TOX: variants seen among roughly 807,000 people sequenced by gnomAD.
The protein encoded by TOX is thymocyte selection associated high mobility group box, also known as thymocyte selection-associated high mobility group box protein TOX.
TOX carries 11 observed loss-of-function variants against 53.7 expected under a neutral mutation model. The observed-to-expected ratio is 0.20, with a 90% CI of 0.13 to 0.34. The LOEUF is 0.34. Ranked by LOEUF, TOX falls within the 10% of genes least tolerant of loss-of-function variation. The pLI is 1.00. For missense variants in TOX, 570 were observed against 664.6 expected (o/e 0.86, Z 1.56); for synonymous variants, 225 against 245.3 (o/e 0.92, Z 0.77).
rs1811399820 is a variant in TOX at position 58,882,471 on chromosome 8, T to G, written c.412-30666A>C. ...GCTGTTTCTGCAATTTCATAGTAGCTCTGGTTTACTTAAGAGAACTTGACA... is the reference window on the plus strand; with the variant it reads ...GCTGTTTCTGCAATTTCATAGTAGCGCTGGTTTACTTAAGAGAACTTGACA... On this transcript the variant is annotated intron_variant, in intron 3 of 8. Coordinates refer to ENST00000361421, the MANE Select transcript of TOX (RefSeq NM_014729.3). Among the ~76,000 whole-genome samples, 3 of 152,222 alleles carry G rather than the reference T, an allele frequency of 2.0e-5. No individual in the cohort carries two copies. The South Asian group carries it at 6.2e-4, about 32-fold the overall frequency.
chr8:58,884,264 G>A (rs1324248501), intron 3 of TOX, among the ~76,000 whole-genome samples: 3 of 152,254 alleles, frequency 2.0e-5, no homozygotes, highest in South Asian at 2.1e-4. Context: ...AAGGGATGAA[G>A]CACAGCATAT....
intron 1 of TOX, among the ~76,000 whole-genome samples, chr8:59,058,811 G>A (rs764461974): frequency 1.1e-4 from 17 of 152,238 alleles, no homozygotes; most frequent in Middle Eastern, 6.8e-3. Context: ...CTAGACCAAG[G>A]AGCCTTTCTC....
chr8:58,957,362 C>T (rs1812726872), intron 2 of TOX, among the ~76,000 whole-genome samples: 3 of 152,228 alleles, frequency 2.0e-5, no homozygotes, highest in Middle Eastern at 6.8e-3. Flanking sequence ...TTATTATATA[C>T]TTGTCAGGCT....
chr8:59,084,027 C>T (rs546347845), intron 1 of TOX, among the ~76,000 whole-genome samples: 152 of 152,128 alleles, frequency 1.0e-3, no homozygotes, highest in African/African-American at 3.6e-3. Context: ...ACATATAATC[C>T]TTTTAATGCT....
At chr8:59,072,317 G>A (rs577468453) in intron 1 of TOX, among the ~76,000 whole-genome samples, 64 of 152,156 alleles carry the variant, frequency 4.2e-4, no homozygotes, top group African/African-American at 1.4e-3. Flanking sequence ...AAATCTTTCC[G>A]CAATAAAGTC....
rs1349606804 is a variant in TOX, at chr8:58,840,102, T to C, written c.694-1791A>G. On this transcript the variant is annotated intron_variant, in intron 4 of 8. Coordinates refer to ENST00000361421, the MANE Select transcript of TOX (RefSeq NM_014729.3). ...CACTGAATGGGTGGATGGAAAATAC[T>C]TTAATATTAATATGTGATACCTTAT... 2.0e-5 allele frequency among the ~76,000 whole-genome samples: 3 copies of C among 152,326 alleles called. No homozygotes were observed. The East Asian group carries it at 5.8e-4, about 29-fold the overall frequency.
chr8:59,087,580 GC>G (rs1197975833), intron 1 of TOX, among the ~76,000 whole-genome samples: 5 of 152,108 alleles, frequency 3.3e-5, no homozygotes, highest in Non-Finnish European at 7.4e-5. Flanking sequence ...GACAGATGAA[GC>G]ATTGTTGAAA....
At chr8:58,936,220 T>G (rs1282843619) in intron 3 of TOX, among the ~76,000 whole-genome samples, 1 of 152,236 alleles carries the variant, frequency 6.6e-6, no homozygotes, top group East Asian at 1.9e-4. Context: ...ATCTGATTTT[T>G]GAACACTCTC....
At chr8:58,911,406 C>T (rs747190576) in intron 3 of TOX, among the ~76,000 whole-genome samples, 1 of 152,250 alleles carries the variant, frequency 6.6e-6, no homozygotes, top group South Asian at 2.1e-4. Context: ...CAATTCCATA[C>T]TATTTCTTAT....
chr8:58,871,150 C>A (rs1811189530), intron 3 of TOX, among the ~76,000 whole-genome samples: 1 of 141,136 alleles, frequency 7.1e-6, no homozygotes. Context: ...AAAATGCATA[C>A]TGCTGATTGA....
intron 1 of TOX, among the ~76,000 whole-genome samples, chr8:59,091,681 G>T (rs1804609480): frequency 6.6e-6 from 1 of 152,004 alleles, no homozygotes; most frequent in Admixed American, 6.6e-5. Context: ...ATCCATGTTT[G>T]GTATGGTGGT....
intron 3 of TOX, among the ~76,000 whole-genome samples, chr8:58,856,216 C>T (rs1344594468): frequency 6.6e-6 from 1 of 152,156 alleles, no homozygotes; most frequent in Non-Finnish European, 1.5e-5. Flanking sequence ...ATCTATAAGG[C>T]TCCAAGAACC....
intron 4 of TOX, among the ~76,000 whole-genome samples, chr8:58,838,830 C>T (rs773127318): frequency 2.0e-5 from 3 of 151,256 alleles, no homozygotes; most frequent in Non-Finnish European, 4.4e-5. Flanking sequence ...GCCTCCCCGA[C>T]AGCTGGGACT....
At chr8:59,054,802 CAGAG>C (rs948757015) in intron 1 of TOX, among the ~76,000 whole-genome samples, 1 of 98,190 alleles carries the variant, frequency 1.0e-5, no homozygotes, top group African/African-American at 4.0e-5. Flanking sequence ...GAGAAAAAGA[CAGAG>C]AGAGAAGGAA....
At chr8:58,939,210 TA>T in intron 3 of TOX, 91 bp downstream of exon 3, 1 of 1,480,804 alleles carries the variant, frequency 6.8e-7, no homozygotes, top group Non-Finnish European at 9.2e-7. Context: ...TTCAGAATGC[TA>T]TTATCACAAT....
At chr8:58,967,858 C>T (rs1812932524) in intron 1 of TOX, among the ~76,000 whole-genome samples, 1 of 152,218 alleles carries the variant, frequency 6.6e-6, no homozygotes, top group Non-Finnish European at 1.5e-5. Context: ...ACTGCAGGCT[C>T]TGCTTTCTGG....
In TOX at chr8:58,858,254, G is replaced by A. The variant is rs559994039; in HGVS notation, c.412-6449C>T. Among the ~76,000 whole-genome samples the A allele has an allele frequency of 3.6e-4, 55 of 152,298 alleles. No homozygotes were observed. In the South Asian group the frequency reaches 7.9e-3, roughly 22 times the overall value. ...TCACATACTTGAATGGCACCAGAAC[G>A]ATGGAGGGCCTGCCTTTCAGTGTTT... On this transcript the variant is annotated intron_variant, in intron 3 of 8. Coordinates refer to ENST00000361421, the MANE Select transcript of TOX (RefSeq NM_014729.3).
chr8:58,851,212 C>T lies in TOX; in HGVS notation c.693+312G>A, dbSNP rs956198538. On this transcript the variant is annotated intron_variant, in intron 4 of 8. Coordinates refer to ENST00000361421, the MANE Select transcript of TOX (RefSeq NM_014729.3). This position sits in a 1 kb window ranked among gnomAD's most constrained non-coding sequence, Gnocchi z 4.4. ...ACACACACACACACACACACACACA[C>T]GACCTTCATTGTACCCCAGTATACT... Among the ~76,000 whole-genome samples the T allele has an allele frequency of 5.3e-5, 8 of 150,658 alleles. No homozygotes were observed. The highest frequency in any genetic ancestry group is 8.9e-5 in the Non-Finnish European group (6 of 67,680).
intron 7 of TOX, among the ~76,000 whole-genome samples, chr8:58,813,343 C>T (rs1004184314): frequency 7.2e-5 from 11 of 152,274 alleles, no homozygotes; most frequent in Non-Finnish European, 1.2e-4. Flanking sequence ...AGCTCCAGCC[C>T]GCAGCATGGT....
Sources: gnomAD v4.1 joint callset for allele counts (sites outside exome capture counted in the v4.1 genomes callset) on GRCh38, gnomAD v4.1.1 for gene constraint, Gnocchi (gnomAD v3.1) non-coding constraint, MANE v1.5 for transcripts, NCBI Gene and HGNC (gene_info 2026-07-23, HGNC 2026-07-21) for gene names.